PTMA: variants seen among roughly 807,000 people sequenced by gnomAD.
The protein encoded by PTMA is prothymosin alpha, also known as gene sequence 28.
PTMA carries 4 observed loss-of-function variants against 16.9 expected under a neutral mutation model. The ratio of observed to expected loss-of-function variants is 0.24; its 90% CI spans 0.12 to 0.54. The LOEUF is 0.54. Ranked by LOEUF, PTMA falls within the 20% of genes least tolerant of loss-of-function variation. PTMA has a pLI of 0.95. For synonymous variants in PTMA, 58 were observed against 47.9 expected, an observed-to-expected ratio of 1.21 and a Z score of -0.87; for missense variants, 120 against 137.7, an observed-to-expected ratio of 0.87 and a Z score of 0.64.
chr2:231,711,452 G>T, intron 2 of PTMA, 33 bp downstream of exon 2: 1 of 1,604,474 alleles, frequency 6.2e-7, no homozygotes, highest in Non-Finnish European at 8.5e-7. Context: ...AGCCCTGGCA[G>T]CTACCGCCCC....
At chr2:231,711,735 G>A in intron 2 of PTMA, 155 bp from the exon 3 acceptor site, 1 of 1,345,550 alleles carries the variant, frequency 7.4e-7, no homozygotes. Context: ...GGAGCCTGGA[G>A]GGTGTTGACT....
At chr2:231,708,873 C>T (rs1250598012) in intron 1 of PTMA, 122 bp downstream of exon 1, 3 of 1,236,606 alleles carry the variant, frequency 2.4e-6, no homozygotes, top group African/African-American at 1.5e-5. Flanking sequence ...AAACGGCCCG[C>T]CCCCGGCGCG....
intron 3 of PTMA, among the ~76,000 whole-genome samples, 156 bp from the exon 4 acceptor site, chr2:231,712,287 C>G (rs1182108426): frequency 6.6e-6 from 1 of 152,176 alleles, no homozygotes; most frequent in African/African-American, 2.4e-5. Flanking sequence ...CTGGAGAGTC[C>G]CACCTGTGTA....
intron 4 of PTMA, 141 bp downstream of exon 4, chr2:231,712,657 G>A: frequency 3.0e-6 from 4 of 1,312,410 alleles, no homozygotes; most frequent in Non-Finnish European, 4.3e-6. Context: ...AGAACAGGAA[G>A]GAAACAGGGC....
At chr2:231,711,681 GA>G in intron 2 of PTMA, 2 of 969,476 alleles carry the variant, frequency 2.1e-6, no homozygotes, top group Non-Finnish European at 3.0e-6. Context: ...CCAGGGTGGG[GA>G]AAAGCCCTTG....
intron 2 of PTMA, 42 bp from the exon 3 acceptor site, chr2:231,711,848 G>C (rs757518328): frequency 6.2e-7 from 1 of 1,609,828 alleles, no homozygotes; most frequent in East Asian, 2.2e-5. Flanking sequence ...TGTCCAGCCT[G>C]GGGCCAGCTG....
intron 3 of PTMA, 142 bp from the exon 4 acceptor site, chr2:231,712,301 G>T: frequency 1.1e-6 from 1 of 924,084 alleles, no homozygotes; most frequent in Non-Finnish European, 1.7e-6. Context: ...CTGTGTAGTG[G>T]GCGTGGGTGC....
Position 231,711,324 on chromosome 2 carries a change from C to G in PTMA, c.46-24C>G. On this transcript the variant is annotated intron_variant, in intron 1 of 4. Transcript: ENST00000409115. The stretch of plus-strand genomic sequence containing the variant: ...GGTTGCTCAGAAGACTTACTGGTTA[C>G]TGGTTCCTTCTTCCCTTTTGAAGGA... The G allele has an allele frequency of 1.9e-6, 3 of 1,605,744 alleles. No individual in the cohort carries two copies. In the South Asian group the frequency reaches 3.3e-5, roughly 18 times the overall value.
intron 3 of PTMA, 65 bp from the exon 4 acceptor site, chr2:231,712,378 C>T (rs1416926475): frequency 3.7e-5 from 56 of 1,520,662 alleles, no homozygotes; most frequent in Admixed American, 3.2e-4. Context: ...ACATGTTCCT[C>T]GGGATTTCCC....
Position 231,710,123 on chromosome 2 carries a change from G to T in PTMA, c.46-1225G>T, listed in dbSNP as rs183187994. 695 of 1,246,114 alleles carry T rather than the reference G, an allele frequency of 5.6e-4. 6 individuals carry two copies. The African/African-American group carries it at 0.01, about 18-fold the overall frequency. The allele number at this position is 1,246,114 out of a possible 1,614,324, so 77.2% of individuals were successfully genotyped here. ...GAGAGGCGCATCCCCGACAGTCTCGGACCTACGCAGCCCGGTGGACTTTGG... is the reference window on the plus strand; with the variant it reads ...GAGAGGCGCATCCCCGACAGTCTCGTACCTACGCAGCCCGGTGGACTTTGG... On this transcript the variant is annotated intron_variant, in intron 1 of 4. Coordinates refer to ENST00000409115, the MANE Select transcript of PTMA (RefSeq NM_002823.5).
chr2:231,708,975 G>A (rs973575543), intron 1 of PTMA, among the ~76,000 whole-genome samples: 7 of 152,208 alleles, frequency 4.6e-5, no homozygotes, highest in Admixed American at 1.3e-4. Flanking sequence ...AGTGGGCCGG[G>A]CGCCCTCGGG....
At chr2:231,712,756 T>C in intron 4 of PTMA, 48 bp from the exon 5 acceptor site, 1 of 1,567,732 alleles carries the variant, frequency 6.4e-7, no homozygotes, top group Non-Finnish European at 8.6e-7. Flanking sequence ...GTGGGCTGGA[T>C]AGGGCTCCTG....
chr2:231,713,391 G>T lies in PTMA; in HGVS notation c.*540G>T, dbSNP rs2048545966. On this transcript the variant is annotated 3_prime_UTR_variant, in exon 5 of 5. Coordinates refer to ENST00000409115, the MANE Select transcript of PTMA (RefSeq NM_002823.5). ...ATAAGTAGTTGGTTTGTATGAGATG[G>T]TTAAAAAGGCCAAAGATAAAAGGTT... 2.0e-6 allele frequency: 1 copy of T among 508,922 alleles called. No homozygotes were observed. Among genetic ancestry groups the T allele is most frequent in the Non-Finnish European group, 4.0e-6 (1 of 253,100 alleles). The allele number at this position is 508,922 out of a possible 1,614,324, so 31.5% of individuals were successfully genotyped here.
intron 1 of PTMA, 196 bp from the exon 2 acceptor site, chr2:231,711,152 C>G (rs1224108786): frequency 5.8e-6 from 3 of 514,074 alleles, no homozygotes; most frequent in Non-Finnish European, 1.0e-5. Flanking sequence ...ACCTTGATCA[C>G]AGATGCCCCC....
At chr2:231,709,939 G>A in intron 1 of PTMA, 3 of 616,536 alleles carry the variant, frequency 4.9e-6, no homozygotes, top group Non-Finnish European at 6.9e-6. Context: ...CGGAGCTCGG[G>A]GCCCGGATCT....
chr2:231,712,322 C>T lies in PTMA; in HGVS notation c.212-121C>T, dbSNP rs1559289657. On this transcript the variant is annotated intron_variant, in intron 3 of 4. Coordinates refer to ENST00000409115, the MANE Select transcript of PTMA (RefSeq NM_002823.5). ...AGTGGGCGTGGGTGCCCTGATTGGG[C>T]CCAGTTGCAGGCAGTAGAGGCAGGG... 4.5e-6 allele frequency: 5 copies of T among 1,100,888 alleles called. No individual in the cohort carries two copies. In the East Asian group the frequency reaches 1.2e-4, roughly 27 times the overall value. 68.2% of individuals were successfully genotyped at this position (1,100,888 alleles called of 1,614,324 possible).
intron 1 of PTMA, among the ~76,000 whole-genome samples, chr2:231,709,221 C>T (rs1255868165): frequency 1.3e-5 from 2 of 152,198 alleles, no homozygotes; most frequent in Admixed American, 6.5e-5. Context: ...GCTCTTTGTT[C>T]GGCGCCAGGC....
Position 231,708,532 on chromosome 2 carries a change from T to G in PTMA, c.-175T>G. On this transcript the variant is annotated 5_prime_UTR_variant, in exon 1 of 5. Coordinates refer to ENST00000409115, the MANE Select transcript of PTMA (RefSeq NM_002823.5). Reference sequence around the variant, plus strand: ...TTCTGGCGCCGCGTGAGTCCCCCACTGGCTGCTCTGAAAAGCCATCTTTGC... The same window carrying G: ...TTCTGGCGCCGCGTGAGTCCCCCACGGGCTGCTCTGAAAAGCCATCTTTGC... 1.4e-6 allele frequency: 1 copy of G among 738,848 alleles called. No individual in the cohort carries two copies. Among genetic ancestry groups the G allele is most frequent in the Non-Finnish European group, 2.3e-6 (1 of 432,224 alleles). The allele number at this position is 738,848 out of a possible 1,614,324, so 45.8% of individuals were successfully genotyped here. A position where few individuals can be genotyped will look rare whatever the true frequency, so the allele number is the denominator to read the frequency against.
chr2:231,711,949 T>C lies in PTMA; in HGVS notation c.177T>C (p.Gly59=), dbSNP rs777354609. The change falls in exon 3 of 5, where the codon GGT becomes GGC. Residue 59 remains glycine, a synonymous_variant. Coordinates refer to ENST00000409115, the MANE Select transcript of PTMA (RefSeq NM_002823.5). ...AGGTAGACGAAGAAGAGGAAGAAGG[T>C]GGGGAGGAAGAGGAGGAGGAAGAAG... The part of the protein sequence containing the change: ...DNEVDEEEEE[G]GEEEEEEEEG... 46 of 1,593,446 alleles carry C rather than the reference T, an allele frequency of 2.9e-5. No individual in the cohort carries two copies. In the Admixed American group the frequency reaches 8.2e-4, roughly 28 times the overall value.
Sources: gnomAD v4.1 joint callset for allele counts (sites outside exome capture counted in the v4.1 genomes callset) on GRCh38, gnomAD v4.1.1 for gene constraint, MANE v1.5 for transcripts, NCBI Gene and HGNC (gene_info 2026-07-23, HGNC 2026-07-21) for gene names.